The following HSD17B4 variants were observed in gnomAD, a reference collection of about 807,000 sequenced individuals.
HSD17B4 encodes hydroxysteroid 17-beta dehydrogenase 4.
Under a neutral mutation model 101.0 loss-of-function variants are expected in HSD17B4, and 70 were observed. The ratio of observed to expected loss-of-function variants is 0.69; its 90% confidence interval spans 0.57 to 0.85. HSD17B4 has a LOEUF of 0.85. Among genes scored for constraint, HSD17B4 ranks in the 40% least tolerant of loss-of-function variants. HSD17B4 has a pLI of 0.00. For missense variants in HSD17B4, 984 were observed against 892.4 expected (o/e 1.10, Z -1.31); for synonymous variants, 347 against 297.1 (o/e 1.17, Z -1.73).
At chr5:119,496,168 G>A (rs547730673) in intron 11 of HSD17B4, among the ~76,000 whole-genome samples, 2 of 152,298 alleles carry the variant, frequency 1.3e-5, no homozygotes, top group South Asian at 4.1e-4. Flanking sequence ...ATGGAAATCA[G>A]TTGAGAGGAG....
intron 8 of HSD17B4, among the ~76,000 whole-genome samples, chr5:119,486,136 G>T (rs976956399): frequency 1.3e-5 from 2 of 152,136 alleles, no homozygotes; most frequent in African/African-American, 4.8e-5. Flanking sequence ...TGACATGGCA[G>T]CTGGCTTTCC....
intron 10 of HSD17B4, 28 bp from the exon 11 acceptor site, chr5:119,493,790 A>C: frequency 6.2e-7 from 1 of 1,606,632 alleles, no homozygotes; most frequent in Non-Finnish European, 8.5e-7. Context: ...CTATGTGCTC[A>C]GTATGTTAGT....
intron 10 of HSD17B4, chr5:119,493,603 T>C (rs1258262788): frequency 2.0e-6 from 1 of 499,884 alleles, no homozygotes. Flanking sequence ...AGGAGAAATT[T>C]TTCCCTTCAG....
chr5:119,527,619 G>A (rs1395886417), intron 20 of HSD17B4, among the ~76,000 whole-genome samples: 1 of 151,902 alleles, frequency 6.6e-6, no homozygotes. Flanking sequence ...AAATCTATCT[G>A]ACTCATTAAT....
intron 17 of HSD17B4, among the ~76,000 whole-genome samples, chr5:119,519,999 G>A (rs1166637040): frequency 2.6e-5 from 4 of 152,146 alleles, no homozygotes; most frequent in Non-Finnish European, 5.9e-5. Flanking sequence ...TTTTTCTCTA[G>A]GCTACCATAG....
At chr5:119,489,821 A>T (rs937933531) in intron 9 of HSD17B4, among the ~76,000 whole-genome samples, 2 of 151,972 alleles carry the variant, frequency 1.3e-5, no homozygotes, top group African/African-American at 4.8e-5. Flanking sequence ...TACATAAAAA[A>T]TGAACTTTTC....
chr5:119,506,759 T>A (rs1353620642), intron 14 of HSD17B4, 59 bp from the exon 15 acceptor site: 4 of 945,062 alleles, frequency 4.2e-6, no homozygotes, highest in South Asian at 1.4e-5. Context: ...TTCTTTCACA[T>A]CTTATTATAG....
intron 2 of HSD17B4, among the ~76,000 whole-genome samples, chr5:119,464,931 A>G (rs1278299786): frequency 2.6e-5 from 4 of 152,048 alleles, no homozygotes; most frequent in Non-Finnish European, 5.9e-5. Flanking sequence ...TTTGAAGTCA[A>G]GTAGTGTGAT....
chr5:119,500,028 G>C (rs1029727511), intron 13 of HSD17B4, among the ~76,000 whole-genome samples: 1 of 152,124 alleles, frequency 6.6e-6, no homozygotes, highest in Non-Finnish European at 1.5e-5. Flanking sequence ...GTAGGAGAAG[G>C]TCATGGAGTA....
At chr5:119,493,677 G>A (rs878984614) in intron 10 of HSD17B4, 141 bp from the exon 11 acceptor site, 2 of 750,520 alleles carry the variant, frequency 2.7e-6, no homozygotes, top group South Asian at 3.3e-5. Context: ...TCATTTTAAG[G>A]CTTATGGTAA....
intron 2 of HSD17B4, among the ~76,000 whole-genome samples, chr5:119,460,185 A>G (rs1021148330): frequency 7.2e-5 from 11 of 152,142 alleles, no homozygotes; most frequent in Non-Finnish European, 8.8e-5. Flanking sequence ...AAGGCCCCAC[A>G]TCTCTATACT....
At chr5:119,457,064 T>C (rs1217125290) in intron 2 of HSD17B4, among the ~76,000 whole-genome samples, 2 of 152,220 alleles carry the variant, frequency 1.3e-5, no homozygotes, top group African/African-American at 4.8e-5. Context: ...TGGAAGATAC[T>C]GTATTGAAGA....
intron 17 of HSD17B4, among the ~76,000 whole-genome samples, chr5:119,523,869 G>A (rs751063804): frequency 2.7e-4 from 41 of 152,064 alleles, no homozygotes; most frequent in Non-Finnish European, 4.7e-4. Flanking sequence ...TTGAGGCTTC[G>A]AATGGTGAAG....
intron 11 of HSD17B4, among the ~76,000 whole-genome samples, chr5:119,494,373 C>CTTTCTTTCTTTCTT: frequency 6.9e-6 from 1 of 144,890 alleles, no homozygotes; most frequent in Admixed American, 6.9e-5. Flanking sequence ...TTCTTTCTTT[C>CTTTCTTTCTTTCTT]TTTCTTTCTT....
intron 17 of HSD17B4, among the ~76,000 whole-genome samples, chr5:119,515,585 G>A (rs1213295823): frequency 6.6e-6 from 1 of 152,172 alleles, no homozygotes; most frequent in African/African-American, 2.4e-5. Context: ...GAGATAAAAT[G>A]TCCTGTCAGT....
chr5:119,527,288 G>A, intron 20 of HSD17B4, 69 bp downstream of exon 20: 1 of 880,038 alleles, frequency 1.1e-6, no homozygotes, highest in Non-Finnish European at 1.9e-6. Flanking sequence ...ATTTTTTTTT[G>A]GTTAGTACTA....
rs1421281237 is a variant in HSD17B4, at chr5:119,525,045, AC to A, written c.1504-170del. On this transcript the variant is annotated intron_variant, in intron 17 of 23. Transcript: ENST00000510025. ...GATTTTAGTGGCAAGTGTTAAAAAA[AC>A]ATTTCATTATAGGTAATCTTTATTG... is the stretch of plus-strand genomic sequence containing the variant. Among the ~76,000 whole-genome samples, 12 of 152,268 alleles carry A rather than the reference AC, an allele frequency of 7.9e-5. No individual in the cohort carries two copies. In the South Asian group the frequency reaches 1.7e-3, roughly 21 times the overall value.
intron 20 of HSD17B4, 25 bp from the exon 21 acceptor site, chr5:119,529,869 C>CTTTTTTTTTTTTTTTT: frequency 1.6e-6 from 2 of 1,252,756 alleles, no homozygotes; most frequent in Non-Finnish European, 2.3e-6. Context: ...CAGAATAAAT[C>CTTTTTTTTTTTTTTTT]TTTTTTTTTT....
chr5:119,455,389 C>T (rs1221949823), intron 1 of HSD17B4, among the ~76,000 whole-genome samples: 3 of 152,000 alleles, frequency 2.0e-5, no homozygotes, highest in East Asian at 1.9e-4. Context: ...TGGTGGCGGG[C>T]GCCTGTAGTC....
Sources: gnomAD v4.1 joint callset for allele counts (sites outside exome capture counted in the v4.1 genomes callset) on GRCh38, gnomAD v4.1.1 for gene constraint, MANE v1.5 for transcripts, NCBI Gene and HGNC (gene_info 2026-07-23, HGNC 2026-07-21) for gene names.